Variants in FNDC1 observed in about 807,000 individuals in gnomAD.
FNDC1 encodes the protein fibronectin type III domain containing 1, also known as fibronectin type III domain-containing protein 1.
In FNDC1, 96 loss-of-function variants were observed where a neutral mutation model predicts 168.0. That is an observed-to-expected ratio of 0.57 (90% CI 0.48 to 0.68). The LOEUF (loss-of-function observed/expected upper bound fraction) is 0.68, where lower values mean the gene tolerates loss of function less well. Among genes scored for constraint, FNDC1 ranks in the 30% least tolerant of loss-of-function variants. The pLI is 0.00. For synonymous variants in FNDC1, 1,099 were observed against 1,025.9 expected, an observed-to-expected ratio of 1.07 and a Z score of -1.36; for missense variants, 2,587 against 2,482.1, an observed-to-expected ratio of 1.04 and a Z score of -0.90.
In FNDC1 at chr6:159,233,109, A is replaced by C. The variant is rs191311367; in HGVS notation, c.2597A>C (p.Asp866Ala). 1.9e-6 allele frequency: 3 copies of C among 1,602,962 alleles called. No individual in the cohort carries two copies. Among genetic ancestry groups the C allele is most frequent in the Admixed American group, 1.7e-5 (1 of 58,466 alleles). The change falls in exon 11 of 23, where the codon GAT becomes GCT. Residue 866 changes from aspartate (D) to alanine (A), a missense_variant. Coordinates refer to ENST00000297267, the MANE Select transcript of FNDC1 (RefSeq NM_032532.3). The surrounding 1 kb of genome is among the most constrained non-coding windows in gnomAD (Gnocchi z 4.6). ...CACCCCAGGGTTCCCTCTCACTCTG[A>C]TTCCCACCCTAAGCTTAGCTCAGGT... ...RAHPRVPSHS[D>A]SHPKLSSGIH...
chr6:159,221,482 G>A lies in FNDC1; in HGVS notation c.668-116G>A. 3.8e-6 allele frequency: 3 copies of A among 781,702 alleles called. No homozygotes were observed. The South Asian group carries it at 4.8e-5, about 12-fold the overall frequency. 48.4% of individuals were successfully genotyped at this position (781,702 alleles called of 1,614,324 possible). On this transcript the variant is annotated intron_variant, in intron 5 of 22. Coordinates refer to ENST00000297267, the MANE Select transcript of FNDC1 (RefSeq NM_032532.3). ...AGAAGTGGGAATACCCCCAGAAAGA[G>A]GAAACGGAAAAAGGGGAAGGGGAGG...
chr6:159,197,392 T>A (rs1782268036), intron 1 of FNDC1, 39 bp from the exon 2 acceptor site: 1 of 1,544,780 alleles, frequency 6.5e-7, no homozygotes. Context: ...TTTCCCAATC[T>A]GTTATTGCCA....
intron 1 of FNDC1, among the ~76,000 whole-genome samples, chr6:159,181,729 A>G (rs762693097): frequency 6.6e-5 from 10 of 152,260 alleles, no homozygotes; most frequent in Non-Finnish European, 1.2e-4. Context: ...AAAAATCAGT[A>G]CTTTTTTTCC....
chr6:159,181,482 G>T (rs1045482497), intron 1 of FNDC1, among the ~76,000 whole-genome samples: 5 of 152,188 alleles, frequency 3.3e-5, no homozygotes. Context: ...AGGCTCTGGG[G>T]TTACAAAGAT....
At chr6:159,202,708 T>C (rs1174029056) in intron 4 of FNDC1, among the ~76,000 whole-genome samples, 1 of 152,230 alleles carries the variant, frequency 6.6e-6, no homozygotes, top group Non-Finnish European at 1.5e-5. Flanking sequence ...TGTCTTTACC[T>C]AAAAATAGGA....
In FNDC1 at chr6:159,232,213, G is replaced by T. The variant is rs745926773; in HGVS notation, c.1701G>T (p.Arg567Ser). Residue 567 changes from arginine (R) to serine (S), a missense_variant, in exon 11 of 23, where the codon AGG becomes AGT. By Grantham distance (110) the Arg-to-Ser change is moderately radical (BLOSUM62 -1). Coordinates refer to ENST00000297267, the MANE Select transcript of FNDC1 (RefSeq NM_032532.3). This position sits in a 1 kb window ranked among gnomAD's most constrained non-coding sequence, Gnocchi z 4.9. The stretch of plus-strand genomic sequence containing the variant: ...CCCAAGACCAGAAACGGACCCTGAG[G>T]CCGCCAAGTAGACACGGCCACTCGG... ...SDTQDQKRTL[R>S]PPSRHGHSVV... is the part of the protein sequence containing the mutation. The T allele has an allele frequency of 6.2e-7, 1 of 1,613,342 alleles. No individual in the cohort carries two copies. Among genetic ancestry groups the T allele is most frequent in the South Asian group, 1.1e-5 (1 of 90,932 alleles).
intron 4 of FNDC1, among the ~76,000 whole-genome samples, chr6:159,206,033 T>C (rs1219802256): frequency 6.6e-6 from 1 of 152,256 alleles, no homozygotes; most frequent in African/African-American, 2.4e-5. Flanking sequence ...GGTGGAATTC[T>C]GCTGAATGAA....
chr6:159,183,443 A>G (rs1288897377), intron 1 of FNDC1, among the ~76,000 whole-genome samples: 1 of 152,210 alleles, frequency 6.6e-6, no homozygotes, highest in Non-Finnish European at 1.5e-5. Flanking sequence ...CTTTGGGTGG[A>G]GATGTCAAGT....
At chr6:159,189,688 A>G (rs1254261047) in intron 1 of FNDC1, among the ~76,000 whole-genome samples, 1 of 152,240 alleles carries the variant, frequency 6.6e-6, no homozygotes, top group Non-Finnish European at 1.5e-5. Flanking sequence ...CTGAGGCCGA[A>G]TAGTATAAGA....
intron 5 of FNDC1, among the ~76,000 whole-genome samples, chr6:159,216,542 C>T (rs1782713354): frequency 6.6e-6 from 1 of 152,168 alleles, no homozygotes; most frequent in African/African-American, 2.4e-5. Flanking sequence ...CCTGATGCTT[C>T]CTGCTTGTGG....
chr6:159,264,782 C>T (rs1173909928), intron 19 of FNDC1, among the ~76,000 whole-genome samples, 193 bp from the exon 20 acceptor site: 1 of 152,198 alleles, frequency 6.6e-6, no homozygotes, highest in African/African-American at 2.4e-5. Flanking sequence ...TAGCAACACA[C>T]TCTAACTAGA....
At chr6:159,175,072 AT>A (rs963462605) in intron 1 of FNDC1, among the ~76,000 whole-genome samples, 7 of 152,084 alleles carry the variant, frequency 4.6e-5, no homozygotes, top group African/African-American at 1.2e-4. Flanking sequence ...TGCTGCTCAC[AT>A]TTTTTTTACC....
chr6:159,236,399 A>G, intron 12 of FNDC1, 84 bp downstream of exon 12: 1 of 893,130 alleles, frequency 1.1e-6, no homozygotes, highest in Non-Finnish European at 1.8e-6. Flanking sequence ...ATGATAAATG[A>G]AGTGGTCTTT....
chr6:159,213,126 T>C (rs1327167773), intron 4 of FNDC1, among the ~76,000 whole-genome samples: 3 of 152,198 alleles, frequency 2.0e-5, no homozygotes, highest in Non-Finnish European at 4.4e-5. Flanking sequence ...CTCAGCCCTG[T>C]CCCCAAAGCT....
At chr6:159,263,695 G>T (rs1300270769) in intron 19 of FNDC1, among the ~76,000 whole-genome samples, 2 of 152,196 alleles carry the variant, frequency 1.3e-5, no homozygotes, top group East Asian at 3.9e-4. Context: ...CTGGGAGACG[G>T]AGCTTGCAGT....
intron 1 of FNDC1, among the ~76,000 whole-genome samples, chr6:159,185,599 T>C (rs1781978013): frequency 6.6e-6 from 1 of 152,204 alleles, no homozygotes; most frequent in Non-Finnish European, 1.5e-5. Context: ...TTCTCAAGAT[T>C]GTCACTCCAT....
At chr6:159,253,019 C>T (rs1489240692) in intron 17 of FNDC1, among the ~76,000 whole-genome samples, 2 of 152,144 alleles carry the variant, frequency 1.3e-5, no homozygotes, top group African/African-American at 4.8e-5. Flanking sequence ...TCTGTATTGT[C>T]CTGTAGAGGT....
At position 159,233,082 on chromosome 6, in the gene FNDC1, C is replaced by T; in HGVS notation, c.2570C>T (p.Ala857Val). ...SSPQSTVPSRAHPRVPSHSDS... is the reference protein window; with the variant it reads ...SSPQSTVPSRVHPRVPSHSDS... The stretch of plus-strand genomic sequence containing the variant: ...CCACAGTCGACTGTGCCCTCCCGAG[C>T]CCACCCCAGGGTTCCCTCTCACTCT... Residue 857 changes from alanine (A) to valine (V), a missense_variant, in exon 11 of 23, where the codon GCC becomes GTC. Physicochemically the swap from Ala to Val is moderately conservative, Grantham distance 64 (BLOSUM62 0). Coordinates refer to ENST00000297267, the MANE Select transcript of FNDC1 (RefSeq NM_032532.3). This position sits in a 1 kb window ranked among gnomAD's most constrained non-coding sequence, Gnocchi z 4.6. 3 of 1,604,292 alleles carry T rather than the reference C, an allele frequency of 1.9e-6. No individual in the cohort carries two copies. The highest frequency in any genetic ancestry group is 1.7e-5 in the Admixed American group (1 of 58,728).
At chr6:159,204,437 C>A (rs1285627030) in intron 4 of FNDC1, among the ~76,000 whole-genome samples, 4 of 152,234 alleles carry the variant, frequency 2.6e-5, no homozygotes, top group African/African-American at 9.6e-5. Context: ...CATCATCTCA[C>A]TTCCTCAACA....
Sources: allele counts gnomAD v4.1 joint callset (sites outside exome capture counted in the v4.1 genomes callset), GRCh38; gene constraint gnomAD v4.1.1; non-coding constraint Gnocchi (gnomAD v3.1); transcripts MANE v1.5; gene names NCBI Gene and HGNC (gene_info 2026-07-23, HGNC 2026-07-21).